Variants in MEIS1 observed in about 807,000 individuals in gnomAD.
The protein encoded by MEIS1 is homeobox protein Meis1.
A neutral mutation model predicts 50.8 loss-of-function variants in MEIS1; 5 were observed. The ratio of observed to expected loss-of-function variants is 0.10; its 90% CI spans 0.05 to 0.21. MEIS1 has a LOEUF of 0.21. Among genes scored for constraint, MEIS1 ranks in the 10% least tolerant of loss-of-function variants. The pLI is 1.00. For missense variants in MEIS1, 318 were observed against 517.3 expected, an observed-to-expected ratio of 0.61 and a Z score of 3.74; for synonymous variants, 176 against 179.3, an observed-to-expected ratio of 0.98 and a Z score of 0.15.
chr2:66,506,618 G>C (rs1046347349), intron 7 of MEIS1, among the ~76,000 whole-genome samples: 4 of 152,050 alleles, frequency 2.6e-5, no homozygotes, highest in African/African-American at 9.7e-5. Flanking sequence ...TAAGTACCAG[G>C]GTGATATGAT....
At chr2:66,510,292 A>G (rs934875370) in intron 7 of MEIS1, among the ~76,000 whole-genome samples, 2 of 152,236 alleles carry the variant, frequency 1.3e-5, no homozygotes, top group Non-Finnish European at 2.9e-5. Context: ...TTATGCAAAT[A>G]AAGAGTTTGG....
chr2:66,570,357 C>A (rs1268632121), intron 12 of MEIS1: 3 of 151,712 alleles, frequency 2.0e-5, no homozygotes, highest in Non-Finnish European at 4.4e-5. Context: ...TAGGTTATTA[C>A]AAAAAAAATT....
At chr2:66,525,214 AAAAC>A (rs145264250) in intron 8 of MEIS1, among the ~76,000 whole-genome samples, 35,096 of 151,934 alleles carry the variant, frequency 0.23, 4,983 homozygotes, top group Non-Finnish European at 0.32. Context: ...CCTTGTCTCA[AAAAC>A]AAACAAACAA....
intron 12 of MEIS1, 37 bp downstream of exon 12, chr2:66,569,182 T>C: frequency 1.3e-6 from 2 of 1,549,082 alleles, no homozygotes; most frequent in Non-Finnish European, 1.8e-6. Flanking sequence ...CACTTTGTCC[T>C]AGGAATATTT....
Position 66,458,841 on chromosome 2 carries a change from A to G in MEIS1, c.631-5268A>G, listed in dbSNP as rs536424309. On this transcript the variant is annotated intron_variant, in intron 6 of 12. Transcript: ENST00000272369. ...TTTTAGATATTTTGTGATGTCTCTCATATGGGAGAACACAATGCCAGGTGA... is the reference window on the plus strand; with the variant it reads ...TTTTAGATATTTTGTGATGTCTCTCGTATGGGAGAACACAATGCCAGGTGA... 2.0e-5 allele frequency among the ~76,000 whole-genome samples: 3 copies of G among 152,338 alleles called. No homozygotes were observed. In the East Asian group the frequency reaches 5.8e-4, roughly 29 times the overall value.
At chr2:66,533,324 AT>A (rs55855986) in intron 8 of MEIS1, among the ~76,000 whole-genome samples, 9,506 of 152,100 alleles carry the variant, frequency 0.062, 400 homozygotes, top group Non-Finnish European at 0.097. Context: ...ATTATTGATT[AT>A]TTTTCCCCCA....
At chr2:66,569,299 GA>G (rs1675426498) in intron 12 of MEIS1, 154 bp downstream of exon 12, 1 of 628,946 alleles carries the variant, frequency 1.6e-6, no homozygotes, top group Admixed American at 3.1e-5. Flanking sequence ...TTTTGGTTGT[GA>G]TCAAGCTTTT....
At chr2:66,510,568 A>G (rs954127476) in intron 7 of MEIS1, among the ~76,000 whole-genome samples, 11 of 152,238 alleles carry the variant, frequency 7.2e-5, no homozygotes, top group Non-Finnish European at 1.6e-4. Context: ...TAGAATCAGA[A>G]AAGTTTTGCA....
At chr2:66,442,672 T>G in intron 5 of MEIS1, 1 of 475,560 alleles carries the variant, frequency 2.1e-6, no homozygotes, top group Non-Finnish European at 3.6e-6. Flanking sequence ...TTGAATATGT[T>G]GTAGCCTGTG....
chr2:66,549,710 C>T (rs1274524078), intron 9 of MEIS1, among the ~76,000 whole-genome samples: 3 of 152,070 alleles, frequency 2.0e-5, no homozygotes, highest in Non-Finnish European at 1.5e-5. Flanking sequence ...AAAGGAGTGG[C>T]AGGACAAGCT....
intron 7 of MEIS1, among the ~76,000 whole-genome samples, chr2:66,467,349 C>A (rs1672662817): frequency 6.8e-6 from 1 of 147,238 alleles, no homozygotes; most frequent in Non-Finnish European, 1.5e-5. Flanking sequence ...GTAATCCCAG[C>A]AGTTTAGGAG....
chr2:66,453,472 A>G (rs765402625), intron 6 of MEIS1, among the ~76,000 whole-genome samples: 142 of 152,096 alleles, frequency 9.3e-4, no homozygotes, highest in Non-Finnish European at 1.1e-3. Context: ...TGACCGTTGT[A>G]GGAACCAGAA....
intron 8 of MEIS1, among the ~76,000 whole-genome samples, chr2:66,538,770 CCCCAATTTGTTTCAAAT>C (rs1197727752): frequency 6.6e-6 from 1 of 152,284 alleles, no homozygotes; most frequent in South Asian, 2.1e-4. Flanking sequence ...GAAACACACA[CCCCAATTTGTTTCAAAT>C]CCCAATTTGT....
At chr2:66,442,675 A>G (rs1013854496) in intron 5 of MEIS1, 22 of 478,738 alleles carry the variant, frequency 4.6e-5, no homozygotes, top group Non-Finnish European at 6.8e-5. Flanking sequence ...AATATGTTGT[A>G]GCCTGTGAAT....
Position 66,572,461 on chromosome 2 carries a change from G to A in MEIS1, c.*1253G>A, listed in dbSNP as rs1007356074. Reference sequence around the variant, plus strand: ...GCAAAAAGGACTGGAAAAATGAACTGTATTATTGCAATTTTTTTTTGTAAA... The same window carrying A: ...GCAAAAAGGACTGGAAAAATGAACTATATTATTGCAATTTTTTTTTGTAAA... On this transcript the variant is annotated 3_prime_UTR_variant, in exon 13 of 13. Coordinates refer to ENST00000272369, the MANE Select transcript of MEIS1 (RefSeq NM_002398.3). The A allele has an allele frequency of 4.6e-5, 7 of 152,236 alleles. No individual in the cohort carries two copies. Among genetic ancestry groups the A allele is most frequent in the African/African-American group, 1.7e-4 (7 of 41,536 alleles). The allele number at this position is 152,236 out of a possible 1,614,324, so 9.4% of individuals were successfully genotyped here.
intron 7 of MEIS1, among the ~76,000 whole-genome samples, chr2:66,487,819 A>G (rs557886132): frequency 6.6e-6 from 1 of 152,374 alleles, no homozygotes; most frequent in East Asian, 1.9e-4. Context: ...AACCAAGTTG[A>G]AAGTTTGCTT....
At chr2:66,436,876 T>G (rs1169245523) in intron 1 of MEIS1, 1 of 980,680 alleles carries the variant, frequency 1.0e-6, no homozygotes, top group Non-Finnish European at 1.2e-6. Context: ...AAAGTAGTTT[T>G]TTTTTTTTTT....
At chr2:66,556,527 G>T (rs535714017) in intron 9 of MEIS1, among the ~76,000 whole-genome samples, 2 of 149,346 alleles carry the variant, frequency 1.3e-5, no homozygotes, top group East Asian at 3.9e-4. Flanking sequence ...TGTTGCCTAC[G>T]GATGGAAGTT....
At chr2:66,551,454 A>T (rs1674919961) in intron 9 of MEIS1, among the ~76,000 whole-genome samples, 1 of 152,174 alleles carries the variant, frequency 6.6e-6, no homozygotes, top group African/African-American at 2.4e-5. Flanking sequence ...TCCAATTGTC[A>T]GAATAAAAAT....
Sources: allele counts gnomAD v4.1 joint callset (sites outside exome capture counted in the v4.1 genomes callset), GRCh38; gene constraint gnomAD v4.1.1; transcripts MANE v1.5; gene names NCBI Gene and HGNC (gene_info 2026-07-23, HGNC 2026-07-21).